Variants in SHISA9 observed in about 807,000 individuals in gnomAD.
SHISA9 encodes the protein shisa family member 9.
A neutral mutation model predicts 38.0 loss-of-function variants in SHISA9; 13 were observed. The observed-to-expected ratio is 0.34, with a 90% CI of 0.22 to 0.54. The LOEUF (loss-of-function observed/expected upper bound fraction) is 0.54, where lower values mean the gene tolerates loss of function less well. Ranked by LOEUF, SHISA9 falls within the 20% of genes least tolerant of loss-of-function variation. SHISA9 has a pLI of 0.91. For synonymous variants in SHISA9, 275 were observed against 242.0 expected (o/e 1.14, Z -1.27); for missense variants, 538 against 575.8 (o/e 0.93, Z 0.67).
intron 2 of SHISA9, among the ~76,000 whole-genome samples, chr16:12,928,491 A>G (rs575401808): frequency 1.7e-3 from 263 of 152,342 alleles, no homozygotes; most frequent in Non-Finnish European, 2.6e-3. Flanking sequence ...TAGTCATTGA[A>G]TATTTAGGAC....
At chr16:13,413,698 CG>C in the SHISA9 span, among the ~76,000 whole-genome samples, 12 of 119,608 alleles carry the variant, frequency 1.0e-4, no homozygotes, top group Non-Finnish European at 1.8e-4. Context: ...CGAAGGTTTG[CG>C]GTGAGCTGAG....
the SHISA9 span, among the ~76,000 whole-genome samples, chr16:13,304,534 A>G: frequency 6.6e-6 from 1 of 152,212 alleles, no homozygotes; most frequent in African/African-American, 2.4e-5. Flanking sequence ...TTGAGATTAC[A>G]GATGTGAGCC....
the SHISA9 span, among the ~76,000 whole-genome samples, chr16:13,368,158 A>C: frequency 6.6e-6 from 1 of 152,140 alleles, no homozygotes; most frequent in East Asian, 1.9e-4. Flanking sequence ...TCACCTGCAA[A>C]GGCATTTCTA....
intron 2 of SHISA9, among the ~76,000 whole-genome samples, chr16:13,115,249 A>T (rs2074020505): frequency 6.6e-6 from 1 of 152,174 alleles, no homozygotes; most frequent in South Asian, 2.1e-4. Flanking sequence ...GGAATTAAAG[A>T]CACACACACA....
chr16:13,322,818 C>T, the SHISA9 span, among the ~76,000 whole-genome samples: 3 of 152,142 alleles, frequency 2.0e-5, no homozygotes, highest in South Asian at 4.1e-4. Flanking sequence ...AAATCTTCTT[C>T]TTCTAGATCA....
At chr16:12,953,617 A>G (rs2071789260) in intron 2 of SHISA9, among the ~76,000 whole-genome samples, 1 of 152,234 alleles carries the variant, frequency 6.6e-6, no homozygotes, top group African/African-American at 2.4e-5. Flanking sequence ...TTTACTGCCT[A>G]CAAGTAGAGA....
chr16:12,918,950 A>C (rs2071293263), intron 2 of SHISA9, among the ~76,000 whole-genome samples: 1 of 152,250 alleles, frequency 6.6e-6, no homozygotes, highest in Non-Finnish European at 1.5e-5. Context: ...TAATAAGCTT[A>C]ATATATGTAA....
chr16:13,415,963 C>A, the SHISA9 span, among the ~76,000 whole-genome samples: 1 of 152,008 alleles, frequency 6.6e-6, no homozygotes, highest in Non-Finnish European at 1.5e-5. Context: ...ATAGCAGTTA[C>A]CCTTGGGAAG....
At chr16:12,970,443 A>ATATATG (rs1370523160) in intron 2 of SHISA9, among the ~76,000 whole-genome samples, 2 of 56,822 alleles carry the variant, frequency 3.5e-5, no homozygotes, top group African/African-American at 1.4e-4. Flanking sequence ...ATATATACAC[A>ATATATG]CATATATATA....
At position 13,078,414 on chromosome 16, in the gene SHISA9, AT is replaced by A. The variant is rs397789589; in HGVS notation, c.692-124971del. 4.2e-3 allele frequency among the ~76,000 whole-genome samples: 628 copies of A among 150,902 alleles called. 2 individuals carry two copies. Among genetic ancestry groups the A allele is most frequent in the Non-Finnish European group, 6.8e-3 (462 of 67,668 alleles). On this transcript the variant is annotated intron_variant, in intron 2 of 4. Coordinates refer to ENST00000558583, the MANE Select transcript of SHISA9 (RefSeq NM_001145204.3). The stretch of plus-strand genomic sequence containing the variant: ...GTATTTTTATTTATTTTTCTCAACT[AT>A]TTTTTTTTAAGACAGGGTCTCATTC...
chr16:13,351,142 G>GAATC, the SHISA9 span, among the ~76,000 whole-genome samples: 65 of 152,198 alleles, frequency 4.3e-4, no homozygotes, highest in African/African-American at 1.5e-3. Flanking sequence ...ACCTTTCTCA[G>GAATC]AATCACACAG....
chr16:13,349,708 G>A, the SHISA9 span, among the ~76,000 whole-genome samples: 11 of 152,170 alleles, frequency 7.2e-5, no homozygotes, highest in African/African-American at 2.4e-4. Flanking sequence ...CTTCTAGAAA[G>A]GTGCTATTAA....
At chr16:13,121,916 T>C (rs905310374) in intron 2 of SHISA9, among the ~76,000 whole-genome samples, 2 of 150,410 alleles carry the variant, frequency 1.3e-5, no homozygotes, top group Admixed American at 6.6e-5. Flanking sequence ...TAATTAGCAT[T>C]CTTCCCTCTC....
intron 2 of SHISA9, among the ~76,000 whole-genome samples, chr16:13,015,854 CTTTCTT>C (rs1434550570): frequency 6.6e-5 from 1 of 15,104 alleles, no homozygotes; most frequent in East Asian, 2.6e-3. Flanking sequence ...CTTTCTTTCC[CTTTCTT>C]TCTTTCTTTC....
At chr16:13,501,756 A>G in the SHISA9 span, among the ~76,000 whole-genome samples, 1 of 152,090 alleles carries the variant, frequency 6.6e-6, no homozygotes, top group Non-Finnish European at 1.5e-5. Flanking sequence ...TAATCCCAGC[A>G]CTTTGGGAGG....
At chr16:13,512,003 C>T in the SHISA9 span, among the ~76,000 whole-genome samples, 2 of 152,052 alleles carry the variant, frequency 1.3e-5, no homozygotes, top group South Asian at 2.1e-4. Context: ...ACACAGGGCA[C>T]TGGGGAGAGT....
At chr16:13,008,270 G>C (rs538903637) in intron 2 of SHISA9, among the ~76,000 whole-genome samples, 2 of 152,166 alleles carry the variant, frequency 1.3e-5, no homozygotes, top group South Asian at 4.2e-4. Flanking sequence ...TTGTGACAGT[G>C]GTAACATGTT....
At chr16:13,230,322 A>AG (rs1315638640) in intron 4 of SHISA9, among the ~76,000 whole-genome samples, 1 of 149,408 alleles carries the variant, frequency 6.7e-6, no homozygotes, top group African/African-American at 2.6e-5. Flanking sequence ...GGATTGGAGG[A>AG]GGTGAAACAA....
rs2050998782 is a variant in SHISA9, at chr16:13,200,706, AAG to A, written c.692-2687_692-2686del. ...CCATCGCAGCTGAATCTCGGCCAAA[AAG>A]CTATCGTGGTAGAAGGATACATGCG... On this transcript the variant is annotated intron_variant, in intron 2 of 4. Transcript: ENST00000558583. 2.2e-5 allele frequency among the ~76,000 whole-genome samples: 2 copies of A among 92,446 alleles called. 1 individual carries two copies. Among genetic ancestry groups the A allele is most frequent in the Non-Finnish European group, 4.7e-5 (2 of 42,136 alleles). 60.6% of individuals were successfully genotyped at this position (92,446 alleles called of 152,430 possible). A position where few individuals can be genotyped will look rare whatever the true frequency, so the allele number is the denominator to read the frequency against.
Sources: allele counts gnomAD v4.1 joint callset (sites outside exome capture counted in the v4.1 genomes callset), GRCh38; gene constraint gnomAD v4.1.1; transcripts MANE v1.5; gene names NCBI Gene and HGNC (gene_info 2026-07-23, HGNC 2026-07-21).